The following CACNA2D3 variants were observed in gnomAD, a reference collection of about 807,000 sequenced individuals.
The protein encoded by CACNA2D3 is voltage-dependent calcium channel subunit alpha-2/delta-3.
CACNA2D3 carries 60 observed loss-of-function variants against 160.6 expected under a neutral mutation model. The observed-to-expected ratio is 0.37, with a 90% CI of 0.30 to 0.46. The LOEUF (loss-of-function observed/expected upper bound fraction) is 0.46, where lower values mean the gene tolerates loss of function less well. Among genes scored for constraint, CACNA2D3 ranks in the 20% least tolerant of loss-of-function variants. CACNA2D3 has a pLI of 1.00. For missense variants in CACNA2D3, 1,205 were observed against 1,365.0 expected, an observed-to-expected ratio of 0.88 and a Z score of 1.85; for synonymous variants, 558 against 492.9, an observed-to-expected ratio of 1.13 and a Z score of -1.75.
chr3:54,214,037 G>A (rs1391444729), intron 2 of CACNA2D3, among the ~76,000 whole-genome samples: 1 of 152,148 alleles, frequency 6.6e-6, no homozygotes, highest in African/African-American at 2.4e-5. Context: ...GGGGATGCAG[G>A]TATTTGCTGA....
chr3:54,845,590 A>T (rs540337336), intron 16 of CACNA2D3, among the ~76,000 whole-genome samples: 13 of 152,380 alleles, frequency 8.5e-5, no homozygotes, highest in African/African-American at 2.9e-4. Flanking sequence ...CAATGGGTGC[A>T]GTCAACTGTG....
chr3:55,021,110 T>C (rs1233547653), intron 35 of CACNA2D3, among the ~76,000 whole-genome samples: 1 of 152,164 alleles, frequency 6.6e-6, no homozygotes, highest in East Asian at 1.9e-4. Flanking sequence ...ATAAAACTAT[T>C]AGTGACTGGT....
intron 11 of CACNA2D3, among the ~76,000 whole-genome samples, chr3:54,682,562 G>A (rs1700373481): frequency 6.6e-6 from 1 of 152,188 alleles, no homozygotes. Flanking sequence ...AGTGAGCTGA[G>A]ATGGTGCCAC....
intron 17 of CACNA2D3, among the ~76,000 whole-genome samples, chr3:54,853,770 T>TC (rs1699109880): frequency 6.6e-6 from 1 of 152,106 alleles, no homozygotes; most frequent in South Asian, 2.1e-4. Context: ...AGGACTGCAC[T>TC]CAGCAGATAC....
chr3:54,335,847 A>G (rs1372065945), intron 3 of CACNA2D3, among the ~76,000 whole-genome samples: 1 of 150,554 alleles, frequency 6.6e-6, no homozygotes, highest in Non-Finnish European at 1.5e-5. Flanking sequence ...TACTAAAATA[A>G]CAAAAAATTA....
At chr3:54,473,134 A>G (rs1349067393) in intron 4 of CACNA2D3, among the ~76,000 whole-genome samples, 2 of 152,210 alleles carry the variant, frequency 1.3e-5, no homozygotes, top group Non-Finnish European at 2.9e-5. Flanking sequence ...TTCAAACTAT[A>G]CTACAAGACT....
chr3:54,270,149 T>G (rs1053499660), intron 2 of CACNA2D3, among the ~76,000 whole-genome samples: 1 of 152,230 alleles, frequency 6.6e-6, no homozygotes, highest in Non-Finnish European at 1.5e-5. Flanking sequence ...TCTCCTCAAT[T>G]GTTAAATTGT....
intron 14 of CACNA2D3, among the ~76,000 whole-genome samples, chr3:54,836,421 A>G (rs1698689386): frequency 6.6e-6 from 1 of 151,648 alleles, no homozygotes; most frequent in Admixed American, 6.6e-5. Flanking sequence ...TTTTTAGTAG[A>G]GACGGGGTTT....
chr3:54,791,923 T>C (rs1237481149), intron 13 of CACNA2D3, among the ~76,000 whole-genome samples: 2 of 152,196 alleles, frequency 1.3e-5, no homozygotes, highest in Non-Finnish European at 2.9e-5. Flanking sequence ...GAGAAGATGG[T>C]TCTAAACAAA....
At chr3:54,280,323 C>T (rs182401598) in intron 2 of CACNA2D3, among the ~76,000 whole-genome samples, 143 of 152,190 alleles carry the variant, frequency 9.4e-4, no homozygotes, top group East Asian at 6.4e-3. Flanking sequence ...CCTCATGATC[C>T]GCCCTCCTCG....
intron 14 of CACNA2D3, among the ~76,000 whole-genome samples, chr3:54,832,654 T>C (rs1319529033): frequency 6.6e-6 from 1 of 152,236 alleles, no homozygotes; most frequent in African/African-American, 2.4e-5. Context: ...TAGTTCATGC[T>C]GGACTTGGAA....
chr3:54,998,758 G>GT lies in CACNA2D3; in HGVS notation c.2691-5999dup, dbSNP rs869193875. Among the ~76,000 whole-genome samples the GT allele has an allele frequency of 9.4e-4, 125 of 133,176 alleles. 1 individual carries two copies. The highest frequency in any genetic ancestry group is 3.4e-3 in the African/African-American group (121 of 36,062). 87.4% of individuals were successfully genotyped at this position (133,176 alleles called of 152,430 possible). A position where few individuals can be genotyped will look rare whatever the true frequency, so the allele number is the denominator to read the frequency against. ...GTTTTGTTTTGTTTTGTTTTGTTTT[G>GT]TTTTTTGAGATGGAGTCTTGCTCTG... On this transcript the variant is annotated intron_variant, in intron 31 of 37. Transcript: ENST00000474759.
chr3:54,280,703 C>G (rs1702860964), intron 2 of CACNA2D3, among the ~76,000 whole-genome samples: 1 of 152,170 alleles, frequency 6.6e-6, no homozygotes, highest in African/African-American at 2.4e-5. Context: ...CGACTCTGTT[C>G]TCTCTTGTGC....
chr3:54,421,037 A>G (rs1449333), intron 4 of CACNA2D3, among the ~76,000 whole-genome samples: 36,630 of 152,104 alleles, frequency 0.24, 4,529 homozygotes, highest in Admixed American at 0.32. Context: ...TGTAGTATCA[A>G]TGCTATTGCA....
At chr3:54,550,489 A>G (rs1453829065) in intron 5 of CACNA2D3, among the ~76,000 whole-genome samples, 1 of 152,192 alleles carries the variant, frequency 6.6e-6, no homozygotes, top group Non-Finnish European at 1.5e-5. Context: ...TGGGCGGTCA[A>G]GGATACCACT....
chr3:54,982,042 G>GCA (rs571821319), intron 29 of CACNA2D3, among the ~76,000 whole-genome samples: 126 of 152,272 alleles, frequency 8.3e-4, no homozygotes, highest in African/African-American at 2.9e-3. Flanking sequence ...GGTAGTGAAG[G>GCA]GATGTTTTCT....
chr3:54,215,548 C>G (rs1487826107), intron 2 of CACNA2D3, among the ~76,000 whole-genome samples: 1 of 152,150 alleles, frequency 6.6e-6, no homozygotes, highest in East Asian at 1.9e-4. Flanking sequence ...AAGCCAAGAT[C>G]TAGCTTGTCT....
chr3:54,633,433 C>T (rs1376773029), intron 10 of CACNA2D3: 1 of 152,128 alleles, frequency 6.6e-6, no homozygotes, highest in Non-Finnish European at 1.5e-5. Context: ...AGACAGGATC[C>T]TCGTCACATG....
At chr3:54,187,552 G>C (rs180700491) in intron 2 of CACNA2D3, among the ~76,000 whole-genome samples, 1 of 152,238 alleles carries the variant, frequency 6.6e-6, no homozygotes, top group Admixed American at 6.5e-5. Flanking sequence ...CTAGTTGTCT[G>C]TCTGGAATGG....
Sources: gnomAD v4.1 joint callset for allele counts (sites outside exome capture counted in the v4.1 genomes callset) on GRCh38, gnomAD v4.1.1 for gene constraint, MANE v1.5 for transcripts, NCBI Gene and HGNC (gene_info 2026-07-23, HGNC 2026-07-21) for gene names.